Variants in HPS3 observed in about 807,000 individuals in gnomAD.
HPS3 encodes BLOC-2 complex member HPS3.
A neutral mutation model predicts 110.9 loss-of-function variants in HPS3; 79 were observed. The observed-to-expected ratio is 0.71, with a 90% CI of 0.59 to 0.86. The LOEUF is 0.86. HPS3 is among the 40% of genes least tolerant of loss of function. The pLI, the probability that HPS3 is intolerant of heterozygous loss-of-function variation, is 0.00. For missense variants in HPS3, 1,197 were observed against 1,206.2 expected (o/e 0.99, Z 0.11); for synonymous variants, 428 against 451.0 (o/e 0.95, Z 0.65).
intron 5 of HPS3, among the ~76,000 whole-genome samples, chr3:149,148,749 T>C (rs1722930951): frequency 1.3e-5 from 2 of 151,992 alleles, no homozygotes; most frequent in African/African-American, 4.8e-5. Context: ...TGTACTACTA[T>C]GCCTTATTTA....
At chr3:149,134,842 G>A (rs1721992995) in intron 1 of HPS3, among the ~76,000 whole-genome samples, 1 of 152,126 alleles carries the variant, frequency 6.6e-6, no homozygotes, top group South Asian at 2.1e-4. Context: ...GTAGCTCAAG[G>A]GTAAGTTTCA....
intron 5 of HPS3, among the ~76,000 whole-genome samples, chr3:149,149,719 G>T (rs1430657342): frequency 1.3e-5 from 2 of 152,052 alleles, no homozygotes; most frequent in Admixed American, 1.3e-4. Flanking sequence ...GGAGAAGGAA[G>T]GAATAAAAAT....
intron 6 of HPS3, 142 bp from the exon 7 acceptor site, chr3:149,153,347 CTTTTG>C (rs1000891003): frequency 4.2e-6 from 3 of 711,548 alleles, no homozygotes; most frequent in South Asian, 3.5e-5. Flanking sequence ...CTGGGTTGGT[CTTTTG>C]TTTGTTTGTT....
chr3:149,141,577 A>G (rs945973449), intron 4 of HPS3, among the ~76,000 whole-genome samples, 197 bp downstream of exon 4: 2 of 132,654 alleles, frequency 1.5e-5, no homozygotes, highest in African/African-American at 5.9e-5. Context: ...CTTTATTGCC[A>G]GTCTGGAGTG....
intron 1 of HPS3, among the ~76,000 whole-genome samples, chr3:149,133,617 A>T (rs1204637282): frequency 1.3e-5 from 2 of 152,096 alleles, no homozygotes; most frequent in Non-Finnish European, 2.9e-5. Context: ...TCTTATTTTA[A>T]GGATTTGCCA....
intron 5 of HPS3, among the ~76,000 whole-genome samples, chr3:149,148,469 C>A (rs1722912953): frequency 7.4e-6 from 1 of 134,992 alleles, no homozygotes; most frequent in Non-Finnish European, 1.5e-5. Context: ...GTGGCGTGAT[C>A]TCAGCTCACT....
chr3:149,139,978 T>A lies in HPS3; in HGVS notation c.218-26T>A, dbSNP rs746106408. 34 of 1,601,694 alleles carry A rather than the reference T, an allele frequency of 2.1e-5. No individual in the cohort carries two copies. In the Middle Eastern group the frequency reaches 1.2e-3, roughly 55 times the overall value. ...TGGTTGTATTTCTAATTACAAATTC[T>A]CAGTATAATCTTCATTCCTTCTCAG... On this transcript the variant is annotated intron_variant, in intron 1 of 16. Coordinates refer to ENST00000296051, the MANE Select transcript of HPS3 (RefSeq NM_032383.5).
chr3:149,141,430 C>G, intron 4 of HPS3, 50 bp downstream of exon 4: 3 of 1,465,862 alleles, frequency 2.0e-6, no homozygotes, highest in Non-Finnish European at 2.9e-6. Flanking sequence ...TGAAAATGCT[C>G]TGTCTGGGCT....
At position 149,141,064 on chromosome 3, in the gene HPS3, T is replaced by C. The variant is rs545439652; in HGVS notation, c.760T>C (p.Cys254Arg). 2.1e-5 allele frequency: 34 copies of C among 1,614,072 alleles called. No homozygotes were observed. In the African/African-American group the frequency reaches 4.0e-4, roughly 19 times the overall value. Residue 254 changes from cysteine to arginine, a missense_variant, in exon 3 of 17, where the codon TGC becomes CGC. By Grantham distance (180) the Cys-to-Arg change is radical (BLOSUM62 -3). Coordinates refer to ENST00000296051, the MANE Select transcript of HPS3 (RefSeq NM_032383.5). Reference protein sequence around the residue: ...SQLESDDFVICQKPLELLGEK... With the variant: ...SQLESDDFVIRQKPLELLGEK... ...GCTTGAGTCAGATGATTTTGTCATCTGCCAGAAGCCCCTGGAACTTCTTGG... is the reference window on the plus strand; with the variant it reads ...GCTTGAGTCAGATGATTTTGTCATCCGCCAGAAGCCCCTGGAACTTCTTGG...
Position 149,162,217 on chromosome 3 carries a change from C to T in HPS3, c.2176C>T (p.Pro726Ser), listed in dbSNP as rs567265532. ...TCAACAGAGAAAGGGACAGATTGTT[C>T]CAACCGAGCTTGCACTTCACTTGAA... ...LIQQRKGQIVPTELALHLKET... is the reference protein window; with the variant it reads ...LIQQRKGQIVSTELALHLKET... Residue 726 changes from proline (P) to serine (S), a missense_variant, in exon 12 of 17, where the codon CCA becomes TCA. Transcript: ENST00000296051. 5 of 1,613,958 alleles carry T rather than the reference C, an allele frequency of 3.1e-6. No homozygotes were observed. The highest frequency in any genetic ancestry group is 4.2e-6 in the Non-Finnish European group (5 of 1,179,940).
chr3:149,140,164 C>T lies in HPS3; in HGVS notation c.378C>T (p.Tyr126=), dbSNP rs758230252. The change falls in exon 2 of 17, where the codon TAC becomes TAT. Residue 126 remains tyrosine (Y), a synonymous_variant. Transcript: ENST00000296051. ...PFSKAFRDQM[Y]IIEMPLSEAP... ...GCAAAGCCTTCAGAGACCAGATGTACATTATTGAAATGCCGCTTTCGGAGG... is the reference window on the plus strand; with the variant it reads ...GCAAAGCCTTCAGAGACCAGATGTATATTATTGAAATGCCGCTTTCGGAGG... 1.3e-5 allele frequency: 21 copies of T among 1,614,180 alleles called. No homozygotes were observed. The South Asian group carries it at 2.2e-4, about 17-fold the overall frequency.
chr3:149,140,611 T>C, intron 2 of HPS3, 113 bp downstream of exon 2: 1 of 1,127,246 alleles, frequency 8.9e-7, no homozygotes, highest in Non-Finnish European at 1.3e-6. Context: ...TTTATAGATT[T>C]AGTTATTCCT....
chr3:149,129,768 G>A lies in HPS3; in HGVS notation c.45G>A (p.Val15=), dbSNP rs562852517. Residue 15 remains valine, a synonymous_variant, in exon 1 of 17, where the codon GTG becomes GTA. Coordinates refer to ENST00000296051, the MANE Select transcript of HPS3 (RefSeq NM_032383.5). ...YNLHPFGSQQ[V]VPCKLEPDRF... ...TGCACCCGTTCGGGTCGCAGCAGGT[G>A]GTGCCCTGCAAGCTGGAGCCGGACC... The A allele has an allele frequency of 1.2e-6, 2 of 1,608,008 alleles. No homozygotes were observed. The highest frequency in any genetic ancestry group is 2.2e-5 in the East Asian group (1 of 44,804).
intron 11 of HPS3, among the ~76,000 whole-genome samples, chr3:149,161,271 G>C (rs1723792757): frequency 6.6e-6 from 1 of 152,024 alleles, no homozygotes; most frequent in African/African-American, 2.4e-5. Flanking sequence ...TGGGAGATTG[G>C]TTTCAGAACC....
chr3:149,151,647 T>C (rs1165697633), intron 6 of HPS3, among the ~76,000 whole-genome samples: 1 of 148,562 alleles, frequency 6.7e-6, no homozygotes, highest in African/African-American at 2.5e-5. Context: ...ATGTAGGCAT[T>C]ATTATGTTGA....
At position 149,129,757 on chromosome 3, in the gene HPS3, T is replaced by C. The variant is rs779620670; in HGVS notation, c.34T>C (p.Ser12Pro). The C allele has an allele frequency of 1.2e-6, 2 of 1,606,328 alleles. No homozygotes were observed. Among genetic ancestry groups the C allele is most frequent in the Admixed American group, 1.7e-5 (1 of 59,838 alleles). The change falls in exon 1 of 17, where the codon TCG becomes CCG. Residue 12 changes from serine (S) to proline (P), a missense_variant. By Grantham distance (74) the Ser-to-Pro change is moderately conservative (BLOSUM62 -1). Coordinates refer to ENST00000296051, the MANE Select transcript of HPS3 (RefSeq NM_032383.5). ...GCTGTACAACCTGCACCCGTTCGGG[T>C]CGCAGCAGGTGGTGCCCTGCAAGCT... ...VQLYNLHPFG[S>P]QQVVPCKLEP...
At position 149,152,442 on chromosome 3, in the gene HPS3, G is replaced by T. The variant is rs187513711; in HGVS notation, c.1246-1052G>T. On this transcript the variant is annotated intron_variant, in intron 6 of 16. Coordinates refer to ENST00000296051, the MANE Select transcript of HPS3 (RefSeq NM_032383.5). The stretch of plus-strand genomic sequence containing the variant: ...AAAGGGGAGGGATAAGGAGAGGTGG[G>T]CATCTGGTGGAGGTATGCTGCCCTT... 3.4e-3 allele frequency among the ~76,000 whole-genome samples: 514 copies of T among 152,290 alleles called. 2 individuals carry two copies. Among genetic ancestry groups the T allele is most frequent in the African/African-American group, 0.012 (499 of 41,558 alleles).
In HPS3 at chr3:149,162,713, T is replaced by A. The variant is rs1450433255; in HGVS notation, c.2316T>A (p.Asp772Glu). 1 of 1,614,022 alleles carries A rather than the reference T, an allele frequency of 6.2e-7. No individual in the cohort carries two copies. The change falls in exon 13 of 17, where the codon GAT becomes GAA. Residue 772 changes from aspartate to glutamate, a missense_variant. Transcript: ENST00000296051. ...FFKVLCAKDEDTIPQLLVDFW... is the reference protein window; with the variant it reads ...FFKVLCAKDEETIPQLLVDFW... ...AGGTGCTTTGTGCTAAGGATGAAGA[T>A]ACAATTCCTCAGCTCTTGGTAGACT...
intron 4 of HPS3, 151 bp downstream of exon 4, chr3:149,141,531 GTTTT>G (rs10718838): frequency 1.4e-4 from 52 of 382,270 alleles, no homozygotes; most frequent in East Asian, 2.8e-4. Context: ...TTTTTTTTTT[GTTTT>G]TTTTTTTTTT....
Sources: gnomAD v4.1 joint callset for allele counts (sites outside exome capture counted in the v4.1 genomes callset) on GRCh38, gnomAD v4.1.1 for gene constraint, MANE v1.5 for transcripts, NCBI Gene and HGNC (gene_info 2026-07-23, HGNC 2026-07-21) for gene names.